BCAT1: variants seen among roughly 807,000 people sequenced by gnomAD.
BCAT1 encodes branched chain amino acid transaminase 1, also known as branched-chain-amino-acid aminotransferase, cytosolic.
BCAT1 carries 48 observed loss-of-function variants against 52.4 expected under a neutral mutation model. That is an observed-to-expected ratio of 0.92 (90% CI 0.73 to 1.16). The LOEUF is 1.16. Ranked by LOEUF, BCAT1 falls within the 50% of genes most tolerant of loss-of-function variation. BCAT1 has a pLI of 0.00. For synonymous variants in BCAT1, 167 were observed against 161.3 expected, an observed-to-expected ratio of 1.04 and a Z score of -0.27; for missense variants, 451 against 457.1, an observed-to-expected ratio of 0.99 and a Z score of 0.12.
chr12:24,920,874 A>G (rs1226498807), intron 1 of BCAT1, among the ~76,000 whole-genome samples: 1 of 152,208 alleles, frequency 6.6e-6, no homozygotes, highest in Admixed American at 6.5e-5. Flanking sequence ...TGAGGAAGAC[A>G]CTTACATCTA....
intron 1 of BCAT1, among the ~76,000 whole-genome samples, chr12:24,911,452 C>G (rs1396375553): frequency 9.2e-5 from 14 of 152,216 alleles, no homozygotes; most frequent in Admixed American, 9.2e-4. Flanking sequence ...AAGTTTGTGA[C>G]AGCGTGGCAG....
chr12:24,912,699 TAAAA>T (rs10531528), intron 1 of BCAT1, among the ~76,000 whole-genome samples: 9 of 135,490 alleles, frequency 6.6e-5, no homozygotes, highest in Non-Finnish European at 1.1e-4. Context: ...ACCCCATCTC[TAAAA>T]AAAAAAAAAA....
At chr12:24,895,361 C>T (rs1942935293) in intron 2 of BCAT1, among the ~76,000 whole-genome samples, 1 of 152,022 alleles carries the variant, frequency 6.6e-6, no homozygotes, top group Admixed American at 6.5e-5. Flanking sequence ...CCCGTCTCTA[C>T]TAAAAATACT....
chr12:24,861,683 C>T (rs1941852639), intron 5 of BCAT1, among the ~76,000 whole-genome samples: 1 of 152,144 alleles, frequency 6.6e-6, no homozygotes, highest in Non-Finnish European at 1.5e-5. Context: ...GAAAATATGT[C>T]AGAACTATTT....
At chr12:24,850,689 G>A (rs1317423810) in intron 5 of BCAT1, among the ~76,000 whole-genome samples, 3 of 152,130 alleles carry the variant, frequency 2.0e-5, no homozygotes, top group Non-Finnish European at 1.5e-5. Flanking sequence ...TTCAAATAAG[G>A]CAAACGCTGA....
chr12:24,907,863 C>T (rs900325389), intron 1 of BCAT1, among the ~76,000 whole-genome samples: 2 of 152,160 alleles, frequency 1.3e-5, no homozygotes, highest in African/African-American at 2.4e-5. Flanking sequence ...AGACTCGGCC[C>T]GCCTGTACCC....
intron 6 of BCAT1, among the ~76,000 whole-genome samples, chr12:24,849,206 T>C (rs145423530): frequency 5.1e-4 from 77 of 152,404 alleles, no homozygotes; most frequent in African/African-American, 1.7e-3. Context: ...ACTTTTCAAA[T>C]GCTCTTTTAT....
chr12:24,892,079 G>GTTTTA (rs1294961238), intron 3 of BCAT1, among the ~76,000 whole-genome samples: 4 of 149,396 alleles, frequency 2.7e-5, no homozygotes, highest in African/African-American at 9.9e-5. Flanking sequence ...GTTTTGTTTT[G>GTTTTA]TTTTGTTTTG....
At chr12:24,934,487 T>A (rs1190961814) in intron 1 of BCAT1, among the ~76,000 whole-genome samples, 1 of 152,202 alleles carries the variant, frequency 6.6e-6, no homozygotes, top group African/African-American at 2.4e-5. Context: ...CTCAAATATT[T>A]GTTCAATAAA....
Position 24,815,403 on chromosome 12 carries a change from T to C in BCAT1, c.*2605A>G, listed in dbSNP as rs1008226051. The C allele has an allele frequency of 6.6e-6, 1 of 152,660 alleles. No homozygotes were observed. The highest frequency in any genetic ancestry group is 1.5e-5 in the Non-Finnish European group (1 of 68,040). The allele number at this position is 152,660 out of a possible 1,614,324, so 9.5% of individuals were successfully genotyped here. On this transcript the variant is annotated 3_prime_UTR_variant, in exon 11 of 11. Transcript: ENST00000261192. ...CAACAATATTAATTTGTTGATCTTT[T>C]TGAGCAGATTAGCTTCACATGTTCC... is the stretch of plus-strand genomic sequence containing the variant.
chr12:24,836,904 AAGAG>A (rs369205661), intron 7 of BCAT1, among the ~76,000 whole-genome samples: 4 of 36,386 alleles, frequency 1.1e-4, no homozygotes, highest in Admixed American at 2.9e-4. Flanking sequence ...AAAGAAAAGA[AAGAG>A]AGAAAGAAAG....
chr12:24,894,535 T>G (rs1942916734), intron 2 of BCAT1, 60 bp from the exon 3 acceptor site: 1 of 1,363,588 alleles, frequency 7.3e-7, no homozygotes, highest in Non-Finnish European at 9.9e-7. Flanking sequence ...CTGGCTAGAT[T>G]ATACAGAGGG....
At position 24,878,643 on chromosome 12, in the gene BCAT1, C is replaced by A; in HGVS notation, c.397G>T (p.Asp133Tyr). Residue 133 changes from aspartate (D) to tyrosine (Y), a missense_variant, in exon 5 of 11, where the codon GAC becomes TAC. Physicochemically the swap from Asp to Tyr is radical, Grantham distance 160. Transcript: ENST00000261192. ...SAVRATLPVF[D>Y]KEELLECIQQ... ...ATACACTCTAAGAGCTCTTCTTTGT[C>A]AAATACCTGAAAGAATGAAAAACAT... is the stretch of plus-strand genomic sequence containing the variant. The A allele has an allele frequency of 6.3e-7, 1 of 1,599,266 alleles. No individual in the cohort carries two copies. The highest frequency in any genetic ancestry group is 1.1e-5 in the South Asian group (1 of 88,012).
intron 1 of BCAT1, chr12:24,903,833 T>C (rs566117861): frequency 1.3e-5 from 2 of 152,336 alleles, no homozygotes; most frequent in Non-Finnish European, 2.9e-5. Context: ...TATTGTCTTA[T>C]ATGCAGTGTT....
chr12:24,898,618 C>G (rs1943017732), intron 2 of BCAT1, among the ~76,000 whole-genome samples: 1 of 148,372 alleles, frequency 6.7e-6, no homozygotes, highest in Non-Finnish European at 1.5e-5. Flanking sequence ...CCGGTTCAAG[C>G]AAGTCTCAAG....
At chr12:24,946,538 G>A (rs1399734997) in intron 1 of BCAT1, among the ~76,000 whole-genome samples, 2 of 152,158 alleles carry the variant, frequency 1.3e-5, no homozygotes, top group Non-Finnish European at 2.9e-5. Context: ...GCTAAACATT[G>A]TTTTTTTGTA....
At chr12:24,841,931 T>C in intron 7 of BCAT1, 151 bp downstream of exon 7, 2 of 809,736 alleles carry the variant, frequency 2.5e-6, no homozygotes, top group Non-Finnish European at 1.9e-6. Context: ...AAAAGAAACT[T>C]GTGTCTATTT....
chr12:24,843,520 C>T (rs10047592), intron 6 of BCAT1, among the ~76,000 whole-genome samples: 147,208 of 152,226 alleles, frequency 0.97, 71,360 homozygotes, highest in East Asian at 1. Context: ...GGAGAATCAT[C>T]TTAACTCGGG....
chr12:24,879,918 A>T (rs1217564996), intron 4 of BCAT1, among the ~76,000 whole-genome samples: 3 of 152,240 alleles, frequency 2.0e-5, no homozygotes, highest in African/African-American at 7.2e-5. Context: ...ATGTCTAACA[A>T]ATATTACTTC....
Sources: gnomAD v4.1 joint callset for allele counts (sites outside exome capture counted in the v4.1 genomes callset) on GRCh38, gnomAD v4.1.1 for gene constraint, MANE v1.5 for transcripts, NCBI Gene and HGNC (gene_info 2026-07-23, HGNC 2026-07-21) for gene names.